Variants in PDE4D observed in about 807,000 individuals in gnomAD.
The protein encoded by PDE4D is 3',5'-cyclic-AMP phosphodiesterase 4D.
A neutral mutation model predicts 87.4 loss-of-function variants in PDE4D; 24 were observed. That is an observed-to-expected ratio of 0.27 (90% CI 0.20 to 0.39). The LOEUF is 0.39. PDE4D is among the 10% of genes least tolerant of loss of function. The probability of loss-of-function intolerance (pLI) is 1.00; values close to 1 mark genes in which losing one functional copy is unlikely to be tolerated. For missense variants in PDE4D, 714 were observed against 1,041.0 expected, an observed-to-expected ratio of 0.69 and a Z score of 4.32; for synonymous variants, 384 against 383.2, an observed-to-expected ratio of 1.00 and a Z score of -0.02.
intron 1 of PDE4D, among the ~76,000 whole-genome samples, chr5:60,359,034 C>T (rs960216150): frequency 6.6e-6 from 1 of 152,132 alleles, no homozygotes; most frequent in Non-Finnish European, 1.5e-5. Flanking sequence ...AAGATATAAC[C>T]TCTGTCTTCA....
At chr5:59,703,413 T>C (rs1216474799) in intron 1 of PDE4D, among the ~76,000 whole-genome samples, 5 of 152,200 alleles carry the variant, frequency 3.3e-5, no homozygotes, top group African/African-American at 1.2e-4. Context: ...ATCACCTTAA[T>C]GGAGGAAGTA....
chr5:60,022,213 CT>C (rs781711542), intron 2 of PDE4D, among the ~76,000 whole-genome samples: 1 of 152,082 alleles, frequency 6.6e-6, no homozygotes, highest in Non-Finnish European at 1.5e-5. Context: ...AAAAGAGCTC[CT>C]TTTCCAAAAT....
intron 5 of PDE4D, among the ~76,000 whole-genome samples, chr5:59,048,152 T>G (rs1165477265): frequency 6.6e-6 from 1 of 152,100 alleles, no homozygotes; most frequent in East Asian, 1.9e-4. Context: ...CTAAAGAGGG[T>G]GTTAAAGAAT....
intron 5 of PDE4D, among the ~76,000 whole-genome samples, chr5:59,107,019 T>TA (rs1284909940): frequency 6.6e-6 from 1 of 152,156 alleles, no homozygotes; most frequent in Admixed American, 6.5e-5. Context: ...TTAAAAGTCA[T>TA]AGAAAACCAG....
intron 1 of PDE4D, among the ~76,000 whole-genome samples, chr5:59,834,409 T>C (rs1043257334): frequency 2.6e-5 from 4 of 152,036 alleles, no homozygotes; most frequent in Non-Finnish European, 2.9e-5. Context: ...ATAATGATCA[T>C]AGTTGCATTA....
intron 1 of PDE4D, among the ~76,000 whole-genome samples, chr5:60,284,896 G>C (rs1458888673): frequency 6.8e-6 from 1 of 146,266 alleles, no homozygotes; most frequent in East Asian, 2.0e-4. Flanking sequence ...CTACTCTTTT[G>C]ATGTAGAGCC....
At chr5:59,264,218 T>C (rs1762484089) in intron 1 of PDE4D, among the ~76,000 whole-genome samples, 1 of 152,004 alleles carries the variant, frequency 6.6e-6, no homozygotes, top group Admixed American at 6.6e-5. Context: ...CAGCACATTT[T>C]CTCTGAGACC....
chr5:60,376,789 T>C (rs969667854), intron 1 of PDE4D, among the ~76,000 whole-genome samples: 1 of 152,192 alleles, frequency 6.6e-6, no homozygotes, highest in Admixed American at 6.5e-5. Flanking sequence ...TAGCAAGTGA[T>C]GTTCTTTCCA....
intron 2 of PDE4D, among the ~76,000 whole-genome samples, chr5:60,116,876 A>G (rs1353765446): frequency 1.3e-5 from 2 of 152,102 alleles, no homozygotes; most frequent in Non-Finnish European, 2.9e-5. Context: ...TAAAGCAAGC[A>G]ACATTTTTGT....
intron 1 of PDE4D, among the ~76,000 whole-genome samples, chr5:59,473,948 C>T (rs142656509): frequency 6.6e-6 from 1 of 152,140 alleles, no homozygotes; most frequent in Non-Finnish European, 1.5e-5. Context: ...TTTGACAGTT[C>T]CCATATAAAG....
At chr5:59,294,454 G>A (rs1181331607) in intron 1 of PDE4D, among the ~76,000 whole-genome samples, 3 of 152,136 alleles carry the variant, frequency 2.0e-5, no homozygotes, top group African/African-American at 7.2e-5. Context: ...TCAAGTTGAA[G>A]CACTGAGGCT....
intron 2 of PDE4D, among the ~76,000 whole-genome samples, chr5:60,164,280 G>T (rs1477334186): frequency 6.6e-6 from 1 of 151,998 alleles, no homozygotes; most frequent in Non-Finnish European, 1.5e-5. Flanking sequence ...ACAGAGTAAA[G>T]AAATCCTTTA....
chr5:59,754,662 G>A (rs72751252), intron 1 of PDE4D, among the ~76,000 whole-genome samples: 30,592 of 151,964 alleles, frequency 0.2, 3,421 homozygotes, highest in South Asian at 0.26. Flanking sequence ...AAGATTACAG[G>A]GTAGAAAAAT....
intron 5 of PDE4D, among the ~76,000 whole-genome samples, chr5:59,104,847 T>C (rs1771329327): frequency 6.6e-6 from 1 of 152,166 alleles, no homozygotes; most frequent in Admixed American, 6.5e-5. Context: ...GGATGCTTTC[T>C]TTCTAACTGC....
intron 1 of PDE4D, among the ~76,000 whole-genome samples, chr5:60,469,672 GTTA>G (rs955501367): frequency 6.6e-6 from 1 of 152,040 alleles, no homozygotes; most frequent in African/African-American, 2.4e-5. Flanking sequence ...ATTTTTCATT[GTTA>G]TTATATTTGT....
intron 2 of PDE4D, chr5:60,147,681 G>A (rs920337251): frequency 1.6e-5 from 7 of 433,306 alleles, no homozygotes; most frequent in East Asian, 1.4e-4. Context: ...CAGTCAAGCC[G>A]CCAGCTGAGG....
At chr5:59,845,221 C>T (rs1393805899) in intron 1 of PDE4D, among the ~76,000 whole-genome samples, 1 of 152,068 alleles carries the variant, frequency 6.6e-6, no homozygotes, top group Non-Finnish European at 1.5e-5. Context: ...ATGAATGGTG[C>T]TTTAAGCCAC....
At chr5:59,738,363 C>G (rs1448100665) in intron 1 of PDE4D, among the ~76,000 whole-genome samples, 1 of 151,998 alleles carries the variant, frequency 6.6e-6, no homozygotes, top group East Asian at 1.9e-4. Context: ...GTTCCTTTCC[C>G]CATGAATAGG....
At position 59,907,272 on chromosome 5, in the gene PDE4D, A is replaced by T. The variant is rs1025275245; in HGVS notation, c.272+81216T>A. Among the ~76,000 whole-genome samples, 3 of 152,118 alleles carry T rather than the reference A, an allele frequency of 2.0e-5. No individual in the cohort carries two copies. The South Asian group carries it at 6.2e-4, about 31-fold the overall frequency. ...TTGCATTTCTCTAATGATCAGTGAC[A>T]TTGAGCTTTTTTATTCTAATATTTT... On this transcript the variant is annotated intron_variant, in intron 3 of 16. Coordinates refer to the PDE4D transcript ENST00000502484.
Sources: allele counts gnomAD v4.1 joint callset (sites outside exome capture counted in the v4.1 genomes callset), GRCh38; gene constraint gnomAD v4.1.1; transcripts MANE v1.5; gene names NCBI Gene and HGNC (gene_info 2026-07-23, HGNC 2026-07-21).